MYO3A: variants seen among roughly 807,000 people sequenced by gnomAD.
The protein encoded by MYO3A is myosin IIIA.
In MYO3A, 180 loss-of-function variants were observed where a neutral mutation model predicts 192.7. The ratio of observed to expected loss-of-function variants is 0.93; its 90% CI spans 0.83 to 1.06. MYO3A has a LOEUF of 1.06. MYO3A is among the 50% of genes least tolerant of loss of function. The probability of loss-of-function intolerance (pLI) is 0.00; values close to 1 mark genes in which losing one functional copy is unlikely to be tolerated. For missense variants in MYO3A, 1,896 were observed against 1,905.0 expected, an observed-to-expected ratio of 1.00 and a Z score of 0.09; for synonymous variants, 628 against 645.3, an observed-to-expected ratio of 0.97 and a Z score of 0.41.
chr10:26,072,102 A>G (rs1285925814), intron 14 of MYO3A, among the ~76,000 whole-genome samples: 2 of 152,154 alleles, frequency 1.3e-5, no homozygotes, highest in Non-Finnish European at 2.9e-5. Context: ...CCCAACACTT[A>G]TGAAACCATC....
At chr10:26,159,622 G>A (rs529607569) in intron 26 of MYO3A, among the ~76,000 whole-genome samples, 141 of 152,082 alleles carry the variant, frequency 9.3e-4, no homozygotes, top group African/African-American at 3.3e-3. Flanking sequence ...CTCGTGATCC[G>A]CCAGCCTCGG....
intron 34 of MYO3A, chr10:26,204,287 T>A (rs1843805246): frequency 1.3e-5 from 2 of 152,258 alleles, no homozygotes; most frequent in African/African-American, 4.8e-5. Flanking sequence ...AAATCCCAGA[T>A]GTTCACTCCC....
chr10:26,198,572 T>G (rs1293870224), intron 32 of MYO3A, among the ~76,000 whole-genome samples: 1 of 152,230 alleles, frequency 6.6e-6, no homozygotes, highest in East Asian at 1.9e-4. Context: ...TCCGTCTAAA[T>G]AAAGAAATTG....
intron 34 of MYO3A, chr10:26,204,565 C>T (rs892708248): frequency 5.9e-5 from 9 of 152,320 alleles, no homozygotes; most frequent in South Asian, 2.1e-4. Context: ...TCACAGCAAC[C>T]GCACGAGGCA....
At chr10:26,165,256 T>A (rs980264536) in intron 26 of MYO3A, among the ~76,000 whole-genome samples, 2 of 152,192 alleles carry the variant, frequency 1.3e-5, no homozygotes, top group African/African-American at 2.4e-5. Context: ...CGTCTACATA[T>A]CAGGGCCTCT....
At chr10:26,015,511 A>G (rs966513102) in intron 6 of MYO3A, among the ~76,000 whole-genome samples, 2 of 152,186 alleles carry the variant, frequency 1.3e-5, no homozygotes, top group East Asian at 1.9e-4. Context: ...TACACTAAGT[A>G]AAAATATCAT....
Position 26,166,066 on chromosome 10 carries a change from G to A in MYO3A, c.3000-1G>A. On this transcript the variant is annotated splice_acceptor_variant, in intron 26 of 34. Transcript: ENST00000642920. LOFTEE classifies it high-confidence loss of function. ...TAACCAGCCCTTTTTTCCATTCCAAGGTACTACCTTCTCTGCTACAAGTCG... is the reference window on the plus strand; with the variant it reads ...TAACCAGCCCTTTTTTCCATTCCAAAGTACTACCTTCTCTGCTACAAGTCG... 3 of 1,613,600 alleles carry A rather than the reference G, an allele frequency of 1.9e-6. No homozygotes were observed. Among genetic ancestry groups the A allele is most frequent in the Non-Finnish European group, 2.5e-6 (3 of 1,179,546 alleles).
chr10:25,980,849 A>G (rs1354045208), intron 4 of MYO3A, among the ~76,000 whole-genome samples: 1 of 152,206 alleles, frequency 6.6e-6, no homozygotes, highest in East Asian at 1.9e-4. Context: ...ATGATACATT[A>G]TTATTAACCA....
intron 34 of MYO3A, among the ~76,000 whole-genome samples, chr10:26,206,922 T>C (rs1186660854): frequency 6.6e-6 from 1 of 152,220 alleles, no homozygotes; most frequent in Non-Finnish European, 1.5e-5. Flanking sequence ...TCATTGTGTT[T>C]GTAATTTGCA....
At chr10:25,954,765 A>G (rs1442418909) in intron 3 of MYO3A, 109 bp from the exon 4 acceptor site, 10 of 1,199,392 alleles carry the variant, frequency 8.3e-6, no homozygotes, top group Admixed American at 3.5e-5. Context: ...AGTAAAAACT[A>G]TTATGACCTT....
intron 2 of MYO3A, among the ~76,000 whole-genome samples, chr10:25,942,106 A>C (rs182356749): frequency 0.012 from 1,795 of 150,820 alleles, 19 homozygotes; most frequent in Middle Eastern, 0.024. Context: ...GGTTCAAGTG[A>C]TGCCTCTGCC....
chr10:25,998,837 A>C (rs2130914224), intron 6 of MYO3A, among the ~76,000 whole-genome samples: 1 of 152,320 alleles, frequency 6.6e-6, no homozygotes, highest in Middle Eastern at 3.4e-3. Flanking sequence ...CTCCAAAATA[A>C]ACTAGATTGA....
chr10:25,988,658 T>C (rs1839807641), intron 4 of MYO3A, among the ~76,000 whole-genome samples: 1 of 152,242 alleles, frequency 6.6e-6, no homozygotes, highest in South Asian at 2.1e-4. Context: ...GTTCTACTTA[T>C]AATTGCCAAA....
chr10:25,957,654 T>C (rs1241451241), intron 4 of MYO3A, among the ~76,000 whole-genome samples: 1 of 152,166 alleles, frequency 6.6e-6, no homozygotes, highest in Non-Finnish European at 1.5e-5. Flanking sequence ...TTTTAGTTCT[T>C]TGAGGAATCA....
chr10:26,101,338 G>A, intron 17 of MYO3A, among the ~76,000 whole-genome samples: 1 of 152,168 alleles, frequency 6.6e-6, no homozygotes, highest in East Asian at 1.9e-4. Context: ...GATGGGTCTT[G>A]ACTCTTTATC....
At position 26,201,418 on chromosome 10, in the gene MYO3A, C is replaced by T. The variant is rs982627284; in HGVS notation, c.4586+113C>T. ...ATTTTAGGCCAGGCGCGGTGGCTCA[C>T]GCCTGTAATCCCAGAACTTTGGGAG... On this transcript the variant is annotated intron_variant, in intron 33 of 34. Transcript: ENST00000642920. The T allele has an allele frequency of 5.4e-5, 35 of 646,612 alleles. No homozygotes were observed. In the African/African-American group the frequency reaches 5.9e-4, roughly 11 times the overall value. The allele number at this position is 646,612 out of a possible 1,614,324, so 40.1% of individuals were successfully genotyped here.
At chr10:25,981,556 T>C (rs1393561385) in intron 4 of MYO3A, among the ~76,000 whole-genome samples, 1 of 152,022 alleles carries the variant, frequency 6.6e-6, no homozygotes, top group Non-Finnish European at 1.5e-5. Flanking sequence ...AGGACTTATA[T>C]CCAGAATATA....
intron 4 of MYO3A, among the ~76,000 whole-genome samples, chr10:25,980,605 G>A (rs1839270090): frequency 6.6e-6 from 1 of 152,118 alleles, no homozygotes. Context: ...TCATTCTGGA[G>A]AAGACATTCT....
intron 25 of MYO3A, among the ~76,000 whole-genome samples, chr10:26,155,653 AT>A (rs966475602): frequency 4.6e-5 from 7 of 152,220 alleles, no homozygotes; most frequent in Admixed American, 3.3e-4. Flanking sequence ...TTTACTAAAT[AT>A]TTTTTAAGTC....
Sources: allele counts gnomAD v4.1 joint callset (sites outside exome capture counted in the v4.1 genomes callset), GRCh38; gene constraint gnomAD v4.1.1; transcripts MANE v1.5; gene names NCBI Gene and HGNC (gene_info 2026-07-23, HGNC 2026-07-21).